Variants in LAMA3 observed in about 807,000 individuals in gnomAD.
The protein encoded by LAMA3 is laminin subunit alpha 3.
LAMA3 carries 281 observed loss-of-function variants against 402.0 expected under a neutral mutation model. The observed-to-expected ratio is 0.70, with a 90% CI of 0.63 to 0.77. LAMA3 has a LOEUF of 0.77. LAMA3 is among the 30% of genes least tolerant of loss of function. The pLI, the probability that LAMA3 is intolerant of heterozygous loss-of-function variation, is 0.00. For synonymous variants in LAMA3, 1,431 were observed against 1,558.4 expected (o/e 0.92, Z 1.93); for missense variants, 3,840 against 4,215.5 (o/e 0.91, Z 2.47).
rs377079562 is a variant in LAMA3 at position 23,810,480 on chromosome 18, C to G, written c.1718C>G (p.Ala573Gly). Reference sequence around the variant, plus strand: ...CGGTGTGACAGGTGTCTCTCAGGAGCTTATGATTTCCCCCACTGCCAAGGT... The same window carrying G: ...CGGTGTGACAGGTGTCTCTCAGGAGGTTATGATTTCCCCCACTGCCAAGGT... ...GQRCDRCLSG[A>G]YDFPHCQGSS... Residue 573 changes from alanine (A) to glycine (G), a missense_variant, in exon 13 of 75, where the codon GCT (alanine) becomes GGT (glycine). Coordinates refer to ENST00000313654, the MANE Select transcript of LAMA3 (RefSeq NM_198129.4). 194 of 1,613,974 alleles carry G rather than the reference C, an allele frequency of 1.2e-4. No homozygotes were observed. The highest frequency in any genetic ancestry group is 1.6e-4 in the Non-Finnish European group (188 of 1,180,016).
intron 12 of LAMA3, among the ~76,000 whole-genome samples, chr18:23,802,558 A>G (rs1239017976): frequency 6.6e-6 from 1 of 152,250 alleles, no homozygotes; most frequent in Non-Finnish European, 1.5e-5. Context: ...AGTGGAACAC[A>G]ATTGCTTCTA....
chr18:23,902,624 C>T (rs2081110475), intron 48 of LAMA3, among the ~76,000 whole-genome samples: 1 of 152,166 alleles, frequency 6.6e-6, no homozygotes. Context: ...TCCGTGTGAC[C>T]TCTCGGTCAA....
chr18:23,700,349 C>T (rs1490965830), intron 1 of LAMA3, among the ~76,000 whole-genome samples: 2 of 151,974 alleles, frequency 1.3e-5, no homozygotes, highest in Non-Finnish European at 2.9e-5. Context: ...AGGAAAATAG[C>T]GAGAGAAGTA....
intron 8 of LAMA3, among the ~76,000 whole-genome samples, chr18:23,771,723 A>G (rs1598758190): frequency 6.6e-6 from 1 of 152,350 alleles, no homozygotes; most frequent in East Asian, 1.9e-4. Context: ...GAATGGATGG[A>G]TGGATAATTA....
chr18:23,928,632 G>T lies in LAMA3; in HGVS notation c.8303G>T (p.Arg2768Leu). 6.2e-7 allele frequency: 1 copy of T among 1,614,022 alleles called. No homozygotes were observed. Among genetic ancestry groups the T allele is most frequent in the Non-Finnish European group, 8.5e-7 (1 of 1,179,898 alleles). The change falls in exon 64 of 75, where the codon CGA (arginine) becomes CTA (leucine). Residue 2768 changes from arginine (R) to leucine (L), a missense_variant. Transcript: ENST00000313654. ...TCCATGTTTGCATTTCAGCTTGTGC[G>T]ATCTGCCTCATTCTCCAGAGGAGGA... ...KKCSEDWKLV[R>L]SASFSRGGQL... is the part of the protein sequence containing the mutation.
intron 2 of LAMA3, among the ~76,000 whole-genome samples, chr18:23,714,286 G>A (rs1001577569): frequency 5.3e-4 from 80 of 152,258 alleles, no homozygotes; most frequent in Middle Eastern, 3.4e-3. Flanking sequence ...TTGGGACGCC[G>A]AGGTGGGTGG....
intron 38 of LAMA3, among the ~76,000 whole-genome samples, chr18:23,872,402 T>C (rs1373539625): frequency 6.6e-6 from 1 of 152,178 alleles, no homozygotes; most frequent in East Asian, 1.9e-4. Flanking sequence ...TGTCTTTTCT[T>C]AAAGATCAGG....
intron 34 of LAMA3, among the ~76,000 whole-genome samples, chr18:23,860,517 C>T (rs1223424566): frequency 1.3e-5 from 2 of 151,882 alleles, no homozygotes; most frequent in Admixed American, 1.3e-4. Context: ...CCTTGGCCTC[C>T]CACAGTGCTG....
Position 23,901,145 on chromosome 18 carries a change from C to T in LAMA3, c.6023C>T (p.Thr2008Ile), listed in dbSNP as rs1568318996. 6.2e-7 allele frequency: 1 copy of T among 1,614,048 alleles called. No homozygotes were observed. Among genetic ancestry groups the T allele is most frequent in the Admixed American group, 1.7e-5 (1 of 60,020 alleles). The change falls in exon 48 of 75, where the codon ACC becomes ATC. Residue 2008 changes from threonine to isoleucine, a missense_variant. Around this residue, in one of 3 missense-constraint regions of LAMA3, gnomAD observed 891 missense variants for 857.5 expected, o/e 1.04. Transcript: ENST00000313654. ...ATTACAGTGCTGAACCGGATAAGGA[C>T]CTGGCAGAAAACCCACCAGGGGGAG... ...ESQLLLNRIR[T>I]WQKTHQGENN...
chr18:23,851,093 G>A (rs1490172169), intron 32 of LAMA3, among the ~76,000 whole-genome samples: 1 of 152,196 alleles, frequency 6.6e-6, no homozygotes, highest in Non-Finnish European at 1.5e-5. Flanking sequence ...GAACAGAAGG[G>A]CTTCCAGCTA....
intron 44 of LAMA3, among the ~76,000 whole-genome samples, chr18:23,895,927 C>A (rs1288720877): frequency 6.6e-6 from 1 of 152,164 alleles, no homozygotes; most frequent in African/African-American, 2.4e-5. Flanking sequence ...AGTTTTATCA[C>A]TAAGCACTGC....
intron 32 of LAMA3, among the ~76,000 whole-genome samples, chr18:23,855,003 AT>A (rs753258584): frequency 2.1e-3 from 100 of 48,362 alleles, no homozygotes; most frequent in Non-Finnish European, 8.8e-3. Context: ...TAAATAAAAA[AT>A]AAAAAAATTT....
At chr18:23,733,295 A>G (rs2061422729) in intron 2 of LAMA3, among the ~76,000 whole-genome samples, 1 of 152,192 alleles carries the variant, frequency 6.6e-6, no homozygotes, top group Admixed American at 6.5e-5. Context: ...TGATAAAGAC[A>G]TACCTGAGAC....
At chr18:23,868,033 T>C in intron 37 of LAMA3, 116 bp downstream of exon 37, 6 of 819,914 alleles carry the variant, frequency 7.3e-6, no homozygotes, top group South Asian at 1.5e-5. Flanking sequence ...TTTATATAAA[T>C]ATGTTTATAT....
chr18:23,784,229 C>A, intron 12 of LAMA3, 72 bp downstream of exon 12: 1 of 1,575,374 alleles, frequency 6.3e-7, no homozygotes, highest in South Asian at 1.1e-5. Flanking sequence ...AAATGCAGAT[C>A]TTTCTGGCAG....
At chr18:23,875,277 T>C (rs958359725) in intron 38 of LAMA3, among the ~76,000 whole-genome samples, 1 of 152,162 alleles carries the variant, frequency 6.6e-6, no homozygotes, top group East Asian at 1.9e-4. Context: ...ATAAGAAGAA[T>C]TGTTTTTTTT....
intron 2 of LAMA3, among the ~76,000 whole-genome samples, chr18:23,715,140 T>C (rs2061073335): frequency 6.6e-6 from 1 of 152,124 alleles, no homozygotes; most frequent in Admixed American, 6.5e-5. Context: ...ATAATAGGTA[T>C]GTTTTTGGAG....
Position 23,916,668 on chromosome 18 carries a change from A to T in LAMA3, c.7896A>T (p.Arg2632Ser). The T allele has an allele frequency of 5.0e-6, 8 of 1,614,166 alleles. No individual in the cohort carries two copies. The highest frequency in any genetic ancestry group is 6.8e-6 in the Non-Finnish European group (8 of 1,180,010). Residue 2632 changes from arginine to serine, a missense_variant, in exon 60 of 75, where the codon AGA becomes AGT. Arg to Ser is a moderately radical substitution (Grantham distance 110). This residue lies in a region of LAMA3 where 840 missense variants were observed against 981.9 expected (regional missense o/e 0.86). Coordinates refer to ENST00000313654, the MANE Select transcript of LAMA3 (RefSeq NM_198129.4). ...AGACAATTCAGACCACCGTGGATAG[A>T]GGCTTGCTGTTCTTTGCAGAAAACG... ...FGQTIQTTVD[R>S]GLLFFAENGD...
intron 27 of LAMA3, among the ~76,000 whole-genome samples, chr18:23,840,991 C>G (rs2063689376): frequency 6.6e-6 from 1 of 152,128 alleles, no homozygotes; most frequent in Non-Finnish European, 1.5e-5. Context: ...TTTGGATTTT[C>G]AGTTTAGGGA....
Sources: allele counts gnomAD v4.1 joint callset (sites outside exome capture counted in the v4.1 genomes callset), GRCh38; gene constraint gnomAD v4.1.1; regional missense constraint gnomAD v4.1.1; transcripts MANE v1.5; gene names NCBI Gene and HGNC (gene_info 2026-07-23, HGNC 2026-07-21).